Variants in ZFP90 observed in about 807,000 individuals in gnomAD.
The protein encoded by ZFP90 is ZFP90 zinc finger protein, also known as zinc finger protein 90 homolog.
ZFP90 carries 38 observed loss-of-function variants against 60.8 expected under a neutral mutation model. The ratio of observed to expected loss-of-function variants is 0.62; its 90% CI spans 0.48 to 0.82. The LOEUF is 0.82. Ranked by LOEUF, ZFP90 falls within the 40% of genes least tolerant of loss-of-function variation. The pLI, the probability that ZFP90 is intolerant of heterozygous loss-of-function variation, is 0.00. For missense variants in ZFP90, 711 were observed against 759.1 expected (o/e 0.94, Z 0.74); for synonymous variants, 287 against 264.8 (o/e 1.08, Z -0.82).
intron 2 of ZFP90, chr16:68,557,372 G>T: frequency 9.2e-6 from 4 of 433,102 alleles, no homozygotes; most frequent in Non-Finnish European, 1.4e-5. Flanking sequence ...GGGTACCTGT[G>T]ATACAGGTGT....
intron 1 of ZFP90, 40 bp downstream of exon 1, chr16:68,539,519 G>C (rs1471236972): frequency 6.3e-6 from 3 of 477,594 alleles, no homozygotes; most frequent in South Asian, 7.3e-5. Context: ...GGTTTGGCGG[G>C]TGTCAGCCGG....
intron 4 of ZFP90, among the ~76,000 whole-genome samples, chr16:68,560,537 T>TTGATTTTGTTTGTTTGTTTGTTTGTTTG (rs149308667): frequency 6.8e-6 from 1 of 147,116 alleles, no homozygotes; most frequent in African/African-American, 2.5e-5. Context: ...CCACACTGGA[T>TTGATTTTGTTTGTTTGTTTGTTTGTTTG]TTTATTTATT....
chr16:68,542,932 CAGA>C (rs1472331445), intron 2 of ZFP90, among the ~76,000 whole-genome samples: 1 of 151,788 alleles, frequency 6.6e-6, no homozygotes, highest in East Asian at 1.9e-4. Context: ...AGAGGACAGA[CAGA>C]AGAATTCAGT....
intron 2 of ZFP90, among the ~76,000 whole-genome samples, chr16:68,554,380 G>T (rs2091310668): frequency 6.6e-6 from 1 of 152,080 alleles, no homozygotes; most frequent in African/African-American, 2.4e-5. Context: ...GACCTCAGGT[G>T]ATCCACCCGC....
At chr16:68,536,515 G>C (rs1029048747), upstream of ZFP90, among the ~76,000 whole-genome samples, 3 of 152,058 alleles carry the variant, frequency 2.0e-5, no homozygotes, top group African/African-American at 7.2e-5. Flanking sequence ...TGTTGACCAG[G>C]ATGGTCTGGA....
At chr16:68,548,013 G>C (rs1298449396) in intron 2 of ZFP90, among the ~76,000 whole-genome samples, 2 of 152,010 alleles carry the variant, frequency 1.3e-5, no homozygotes, top group African/African-American at 4.8e-5. Flanking sequence ...TTTTAGTAGA[G>C]ATGGAGTTTC....
chr16:68,537,131 CTTTTT>C (rs34680664), upstream of ZFP90, among the ~76,000 whole-genome samples: 1 of 146,110 alleles, frequency 6.8e-6, no homozygotes, highest in African/African-American at 2.5e-5. Context: ...TGTTGTTGGG[CTTTTT>C]TTTTTTTGAG....
At chr16:68,557,196 T>C (rs1201161186) in intron 2 of ZFP90, 2 of 455,096 alleles carry the variant, frequency 4.4e-6, no homozygotes, top group South Asian at 3.1e-5. Flanking sequence ...CTCTATTGCC[T>C]AGGATGGTCT....
chr16:68,544,924 C>T (rs1409526840), intron 2 of ZFP90, among the ~76,000 whole-genome samples: 3 of 123,612 alleles, frequency 2.4e-5, no homozygotes, highest in African/African-American at 9.4e-5. Context: ...CATTCTGTTG[C>T]GCTGAAGTGC....
At chr16:68,542,289 T>C (rs1597714882) in intron 2 of ZFP90, among the ~76,000 whole-genome samples, 1 of 151,952 alleles carries the variant, frequency 6.6e-6, no homozygotes, top group African/African-American at 2.4e-5. Context: ...GTTTTCACCT[T>C]TGAATAGGAG....
In ZFP90 at chr16:68,564,731, T is replaced by A; in HGVS notation, c.*33T>A. The A allele has an allele frequency of 1.3e-6, 2 of 1,562,720 alleles. No individual in the cohort carries two copies. The highest frequency in any genetic ancestry group is 1.7e-6 in the Non-Finnish European group (2 of 1,159,612). On this transcript the variant is annotated 3_prime_UTR_variant, in exon 5 of 5. Transcript: ENST00000563169. ...GAAATTAAGGAATTTGCAGAATGCT[T>A]TAGCTAAAATGTTCTGATTCAGGAT...
intron 2 of ZFP90, among the ~76,000 whole-genome samples, chr16:68,542,603 C>G (rs987244208): frequency 1.3e-5 from 2 of 151,720 alleles, no homozygotes; most frequent in African/African-American, 4.8e-5. Flanking sequence ...AAAAACCAAC[C>G]CCAAAAAACA....
rs757293328 is a variant in ZFP90, at chr16:68,566,655, C to T, written c.*1957C>T. On this transcript the variant is annotated 3_prime_UTR_variant, in exon 5 of 5. Coordinates refer to ENST00000563169, the MANE Select transcript of ZFP90 (RefSeq NM_001305203.2). ...CTTGTTTATGGTGCACCATGATTAG[C>T]TCACACACAATGCCAAGGCTGTGCT... 6 of 985,564 alleles carry T rather than the reference C, an allele frequency of 6.1e-6. No homozygotes were observed. The highest frequency in any genetic ancestry group is 7.2e-6 in the Non-Finnish European group (6 of 829,940). The allele number at this position is 985,564 out of a possible 1,614,324, so 61.1% of individuals were successfully genotyped here. A position where few individuals can be genotyped will look rare whatever the true frequency, so the allele number is the denominator to read the frequency against.
At chr16:68,536,889 A>C (rs923506200), upstream of ZFP90, among the ~76,000 whole-genome samples, 12 of 152,072 alleles carry the variant, frequency 7.9e-5, no homozygotes, top group African/African-American at 1.2e-4. Context: ...GGCTCTCATC[A>C]CACTCAAAAT....
intron 2 of ZFP90, among the ~76,000 whole-genome samples, chr16:68,552,834 C>G (rs2152066378): frequency 6.6e-6 from 1 of 152,210 alleles, no homozygotes; most frequent in Non-Finnish European, 1.5e-5. Flanking sequence ...CACAGGAGAA[C>G]TGCTTGAGCC....
At chr16:68,549,169 T>G (rs758307894) in intron 2 of ZFP90, among the ~76,000 whole-genome samples, 2 of 152,172 alleles carry the variant, frequency 1.3e-5, no homozygotes, top group African/African-American at 4.8e-5. Flanking sequence ...TGAGGAAATG[T>G]GGTGAGAGTG....
chr16:68,565,277 G>T lies in ZFP90; in HGVS notation c.*579G>T. 1 of 985,496 alleles carries T rather than the reference G, an allele frequency of 1.0e-6. No homozygotes were observed. The highest frequency in any genetic ancestry group is 4.7e-5 in the South Asian group (1 of 21,292). 61.0% of individuals were successfully genotyped at this position (985,496 alleles called of 1,614,324 possible). A position where few individuals can be genotyped will look rare whatever the true frequency, so the allele number is the denominator to read the frequency against. Reference sequence around the variant, plus strand: ...AGGGTAAAGCTGGGTTAAAAATGCAGGTTTCCTGGATTTGGGGCCCCATGG... The same window carrying T: ...AGGGTAAAGCTGGGTTAAAAATGCATGTTTCCTGGATTTGGGGCCCCATGG... On this transcript the variant is annotated 3_prime_UTR_variant, in exon 5 of 5. Coordinates refer to ENST00000563169, the MANE Select transcript of ZFP90 (RefSeq NM_001305203.2).
chr16:68,573,343 G>C (rs1208866732), intron 2 of ZFP90, among the ~76,000 whole-genome samples: 1 of 152,192 alleles, frequency 6.6e-6, no homozygotes, highest in African/African-American at 2.4e-5. Flanking sequence ...CAGGCCACAG[G>C]CTTCATCGCC....
intron 2 of ZFP90, among the ~76,000 whole-genome samples, chr16:68,550,187 G>A (rs8058145): frequency 0.77 from 116,624 of 152,190 alleles, 44,783 homozygotes; most frequent in East Asian, 0.82. Context: ...TGTGATAAAT[G>A]TTTTAAAATT....
Sources: allele counts gnomAD v4.1 joint callset (sites outside exome capture counted in the v4.1 genomes callset), GRCh38; gene constraint gnomAD v4.1.1; transcripts MANE v1.5; gene names NCBI Gene and HGNC (gene_info 2026-07-23, HGNC 2026-07-21).